The following UVRAG variants were observed in gnomAD, a reference collection of about 807,000 sequenced individuals.
UVRAG encodes UV radiation resistance-associated gene protein.
UVRAG carries 19 observed loss-of-function variants against 78.0 expected under a neutral mutation model. The observed-to-expected ratio is 0.24, with a 90% CI of 0.17 to 0.36. UVRAG has a LOEUF of 0.36. Among genes scored for constraint, UVRAG ranks in the 10% least tolerant of loss-of-function variants. UVRAG has a pLI of 1.00. For synonymous variants in UVRAG, 323 were observed against 324.6 expected (o/e 1.00, Z 0.05); for missense variants, 740 against 853.8 (o/e 0.87, Z 1.66).
chr11:76,075,755 G>T (rs544883471), intron 13 of UVRAG, among the ~76,000 whole-genome samples: 4 of 152,176 alleles, frequency 2.6e-5, no homozygotes, highest in African/African-American at 9.6e-5. Context: ...ATTCCCTCAG[G>T]TTCCCCATCC....
At chr11:76,006,355 A>C (rs960985806) in intron 9 of UVRAG, among the ~76,000 whole-genome samples, 8 of 152,026 alleles carry the variant, frequency 5.3e-5, no homozygotes, top group African/African-American at 1.9e-4. Flanking sequence ...CATGTTTCTT[A>C]AGTAGTGCAA....
chr11:75,875,554 C>T (rs573970568), intron 3 of UVRAG, among the ~76,000 whole-genome samples: 4 of 149,514 alleles, frequency 2.7e-5, no homozygotes, highest in Admixed American at 2.0e-4. Flanking sequence ...TCCATTTTCT[C>T]TCTCTGGACT....
chr11:75,863,437 GT>G (rs1438332900), intron 3 of UVRAG, among the ~76,000 whole-genome samples: 2 of 152,110 alleles, frequency 1.3e-5, no homozygotes, highest in Non-Finnish European at 2.9e-5. Flanking sequence ...GTTGGGGATG[GT>G]TTTTTAATAT....
chr11:76,041,854 G>C (rs1022395961), intron 12 of UVRAG, among the ~76,000 whole-genome samples: 1 of 152,138 alleles, frequency 6.6e-6, no homozygotes, highest in Non-Finnish European at 1.5e-5. Flanking sequence ...TTGCTCTTGC[G>C]ATCTTTCAGG....
At chr11:76,112,723 T>A (rs1013779828) in intron 13 of UVRAG, among the ~76,000 whole-genome samples, 1 of 141,686 alleles carries the variant, frequency 7.1e-6, no homozygotes, top group Non-Finnish European at 1.5e-5. Flanking sequence ...TATTTCTTTT[T>A]TCTTTTCTTT....
At chr11:76,011,947 T>C (rs897739994) in intron 11 of UVRAG, among the ~76,000 whole-genome samples, 1 of 152,180 alleles carries the variant, frequency 6.6e-6, no homozygotes, top group Non-Finnish European at 1.5e-5. Flanking sequence ...GAGAAGATGA[T>C]TTCAGTGTCT....
At chr11:76,048,471 T>G (rs1453170060) in intron 12 of UVRAG, among the ~76,000 whole-genome samples, 1 of 152,164 alleles carries the variant, frequency 6.6e-6, no homozygotes, top group Non-Finnish European at 1.5e-5. Flanking sequence ...TGTTGATAAT[T>G]AAAGGGGATT....
chr11:75,915,979 TCTGA>T (rs1176536992), intron 6 of UVRAG, among the ~76,000 whole-genome samples: 2 of 152,252 alleles, frequency 1.3e-5, no homozygotes, highest in African/African-American at 2.4e-5. Context: ...TAATCTGTTC[TCTGA>T]CTGAGAGATT....
intron 1 of UVRAG, among the ~76,000 whole-genome samples, chr11:75,834,224 T>C (rs1945726615): frequency 6.6e-6 from 1 of 152,294 alleles, no homozygotes; most frequent in Middle Eastern, 3.4e-3. Context: ...TATTTTTAAA[T>C]GTCACTAGCA....
intron 6 of UVRAG, among the ~76,000 whole-genome samples, chr11:75,920,277 G>A (rs113607469): frequency 0.055 from 8,283 of 150,436 alleles, 279 homozygotes; most frequent in African/African-American, 0.099. Flanking sequence ...CACCTGCCCC[G>A]GCCTCCCAAA....
chr11:76,004,053 C>A lies in UVRAG; in HGVS notation c.875C>A (p.Ser292Tyr), dbSNP rs1949875044. 1 of 1,613,990 alleles carries A rather than the reference C, an allele frequency of 6.2e-7. No individual in the cohort carries two copies. Residue 292 changes from serine to tyrosine, a missense_variant, in exon 9 of 15, where the codon TCC (serine) becomes TAC (tyrosine). Coordinates refer to ENST00000356136, the MANE Select transcript of UVRAG (RefSeq NM_003369.4). ...EHLKLQLQKE[S>Y]LNELRKECTA... ...CTCAAACTTCAACTCCAGAAGGAAT[C>A]CCTAAATGAGCTGAGGAAGGAGTGC... is the stretch of plus-strand genomic sequence containing the variant.
intron 6 of UVRAG, among the ~76,000 whole-genome samples, chr11:75,937,244 T>C (rs1189985922): frequency 6.6e-6 from 1 of 152,058 alleles, no homozygotes; most frequent in Admixed American, 6.6e-5. Flanking sequence ...GGCGGGCGCT[T>C]GTAATCCCAG....
chr11:76,026,087 GATAA>G (rs1950321502), intron 12 of UVRAG, among the ~76,000 whole-genome samples: 1 of 152,066 alleles, frequency 6.6e-6, no homozygotes. Flanking sequence ...ACACTAACTT[GATAA>G]ATAAATGAAT....
Position 75,976,238 on chromosome 11 carries a change from G to T in UVRAG, c.700-7149G>T, listed in dbSNP as rs546149377. 1.6e-4 allele frequency among the ~76,000 whole-genome samples: 25 copies of T among 152,292 alleles called. No individual in the cohort carries two copies. The South Asian group carries it at 5.2e-3, about 32-fold the overall frequency. On this transcript the variant is annotated intron_variant, in intron 7 of 14. Coordinates refer to ENST00000356136, the MANE Select transcript of UVRAG (RefSeq NM_003369.4). The stretch of plus-strand genomic sequence containing the variant: ...AAGCCCACTTGATCATGGTGGATAA[G>T]CTCTTTGATGTGCTGCTGGATTCAG...
At chr11:75,974,284 T>C (rs1470836490) in intron 7 of UVRAG, among the ~76,000 whole-genome samples, 6 of 152,144 alleles carry the variant, frequency 3.9e-5, no homozygotes, top group Admixed American at 3.9e-4. Flanking sequence ...TGGTTTTGAT[T>C]TGCATTTCTC....
At chr11:76,023,449 G>T (rs1950281063) in intron 12 of UVRAG, among the ~76,000 whole-genome samples, 1 of 151,552 alleles carries the variant, frequency 6.6e-6, no homozygotes, top group Non-Finnish European at 1.5e-5. Flanking sequence ...TAATTTTTTT[G>T]CCCCAGGTGG....
chr11:75,926,472 G>A (rs1035560277), intron 6 of UVRAG, among the ~76,000 whole-genome samples: 2 of 152,150 alleles, frequency 1.3e-5, no homozygotes, highest in Non-Finnish European at 2.9e-5. Flanking sequence ...GAACATGGGA[G>A]GAAAACTGAC....
chr11:75,860,096 C>T (rs1041838033), intron 2 of UVRAG, among the ~76,000 whole-genome samples: 1 of 152,230 alleles, frequency 6.6e-6, no homozygotes, highest in Non-Finnish European at 1.5e-5. Flanking sequence ...AGGCACCCAC[C>T]ACCACACCTG....
chr11:75,902,205 C>T (rs988466581), intron 5 of UVRAG, among the ~76,000 whole-genome samples: 1 of 152,196 alleles, frequency 6.6e-6, no homozygotes, highest in South Asian at 2.1e-4. Flanking sequence ...AGTAGTATAG[C>T]TCAGCAGTCC....
Sources: allele counts gnomAD v4.1 joint callset (sites outside exome capture counted in the v4.1 genomes callset), GRCh38; gene constraint gnomAD v4.1.1; transcripts MANE v1.5; gene names NCBI Gene and HGNC (gene_info 2026-07-23, HGNC 2026-07-21).